The following TBX19 variants were observed in gnomAD, a reference collection of about 807,000 sequenced individuals.
TBX19 encodes the protein T-box transcription factor TBX19.
TBX19 carries 33 observed loss-of-function variants against 40.9 expected under a neutral mutation model. The ratio of observed to expected loss-of-function variants is 0.81; its 90% CI spans 0.61 to 1.08. The LOEUF (loss-of-function observed/expected upper bound fraction) is 1.08, where lower values mean the gene tolerates loss of function less well. Ranked by LOEUF, TBX19 falls within the 50% of genes least tolerant of loss-of-function variation. The probability of loss-of-function intolerance (pLI) is 0.00; values close to 1 mark genes in which losing one functional copy is unlikely to be tolerated. For synonymous variants in TBX19, 220 were observed against 225.0 expected (o/e 0.98, Z 0.20); for missense variants, 494 against 574.0 (o/e 0.86, Z 1.42).
chr1:168,281,425 C>T (rs1648646585), intron 1 of TBX19, 132 bp downstream of exon 1: 1 of 837,678 alleles, frequency 1.2e-6, no homozygotes. Flanking sequence ...ACAGGAACGA[C>T]TGTCTCCAAT....
rs1348326118 is a variant in TBX19 at position 168,300,418 on chromosome 1, T to C, written c.666-4T>C. The C allele has an allele frequency of 1.2e-6, 2 of 1,613,928 alleles. No homozygotes were observed. Among genetic ancestry groups the C allele is most frequent in the Non-Finnish European group, 1.7e-6 (2 of 1,179,994 alleles). ...GCCATGGTGCATTTTCTTTACTCTT[T>C]CAGAAATCACCTAAGAGACGTACCG... On this transcript the variant is annotated splice_polypyrimidine_tract_variant and splice_region_variant and intron_variant, in intron 4 of 7. Transcript: ENST00000367821.
At position 168,298,895 on chromosome 1, in the gene TBX19, CTT is replaced by C. The variant is rs1206920528; in HGVS notation, c.665+1112_665+1113del. Reference sequence around the variant, plus strand: ...TCTTTCTTTCTTTCTTTCTTTCTTTCTTTCTCTCTCTCTCTCTTTCTTTCATT... The same window carrying C: ...TCTTTCTTTCTTTCTTTCTTTCTTTCTCTCTCTCTCTCTCTTTCTTTCATT... On this transcript the variant is annotated intron_variant, in intron 4 of 7. Coordinates refer to ENST00000367821, the MANE Select transcript of TBX19 (RefSeq NM_005149.3). Among the ~76,000 whole-genome samples the C allele has an allele frequency of 1.5e-4, 17 of 113,350 alleles. 1 individual carries two copies. Among genetic ancestry groups the C allele is most frequent in the East Asian group, 2.9e-4 (1 of 3,462 alleles). The allele number at this position is 113,350 out of a possible 152,430, so 74.4% of individuals were successfully genotyped here. A position where few individuals can be genotyped will look rare whatever the true frequency, so the allele number is the denominator to read the frequency against.
At position 168,291,272 on chromosome 1, in the gene TBX19, G is replaced by A. The variant is rs748352916; in HGVS notation, c.316G>A (p.Gly106Arg). 4.3e-6 allele frequency: 7 copies of A among 1,614,198 alleles called. No individual in the cohort carries two copies. The South Asian group carries it at 5.5e-5, about 13-fold the overall frequency. Residue 106 changes from glycine to arginine, a missense_variant, in exon 2 of 8, where the codon GGG (glycine) becomes AGG (arginine). Physicochemically the swap from Gly to Arg is moderately radical, Grantham distance 125. Around this residue, in one of 3 missense-constraint regions of TBX19, gnomAD observed 201 missense variants for 235.2 expected, o/e 0.85. Transcript: ENST00000367821. Reference protein sequence around the residue: ...TDSHRWKYVNGEWVPAGKPEV... With the variant: ...TDSHRWKYVNREWVPAGKPEV... The stretch of plus-strand genomic sequence containing the variant: ...CAGTCACCGCTGGAAGTACGTCAAC[G>A]GGGAATGGGTGCCCGCTGGCAAGCC...
At chr1:168,302,252 T>C (rs1421949891) in intron 5 of TBX19, among the ~76,000 whole-genome samples, 1 of 152,200 alleles carries the variant, frequency 6.6e-6, no homozygotes, top group African/African-American at 2.4e-5. Flanking sequence ...GGGCCATAAG[T>C]TTGTGCAACT....
At chr1:168,291,687 G>A (rs558715573) in intron 2 of TBX19, among the ~76,000 whole-genome samples, 2 of 152,122 alleles carry the variant, frequency 1.3e-5, no homozygotes, top group Admixed American at 6.5e-5. Flanking sequence ...TCATAGTTTC[G>A]TCTTGTGTGC....
At chr1:168,312,665 G>C in intron 7 of TBX19, 43 bp from the exon 8 acceptor site, 1 of 1,601,126 alleles carries the variant, frequency 6.2e-7, no homozygotes. Context: ...CTTCCTTGGA[G>C]TGCCAGTGAA....
intron 5 of TBX19, among the ~76,000 whole-genome samples, chr1:168,303,943 G>A (rs1013207320): frequency 1.3e-5 from 2 of 152,130 alleles, no homozygotes; most frequent in African/African-American, 4.8e-5. Flanking sequence ...GTGGGTTTTG[G>A]CCGGCTTATT....
chr1:168,297,807 A>G (rs756970226), intron 4 of TBX19, 22 bp downstream of exon 4: 1 of 1,584,912 alleles, frequency 6.3e-7, no homozygotes, highest in South Asian at 1.1e-5. Context: ...AATTTTAGTG[A>G]AATCTTCTAA....
intron 1 of TBX19, among the ~76,000 whole-genome samples, chr1:168,284,190 A>G (rs1337764099): frequency 6.6e-6 from 1 of 151,924 alleles, no homozygotes; most frequent in Non-Finnish European, 1.5e-5. Context: ...TCTTTTTAAA[A>G]TTGAAAACTT....
intron 7 of TBX19, among the ~76,000 whole-genome samples, chr1:168,311,752 A>G (rs1190408689): frequency 6.6e-6 from 1 of 152,258 alleles, no homozygotes; most frequent in Non-Finnish European, 1.5e-5. Flanking sequence ...TGATGACTAC[A>G]GGCCGAAAAC....
rs1558192675 is a variant in TBX19, at chr1:168,298,776, CT to C, written c.665+993del. Among the ~76,000 whole-genome samples the C allele has an allele frequency of 3.7e-4, 39 of 105,594 alleles. 2 individuals are homozygous for C. In the South Asian group the frequency reaches 4.7e-3, roughly 13 times the overall value. 69.3% of individuals were successfully genotyped at this position (105,594 alleles called of 152,430 possible). A position where few individuals can be genotyped will look rare whatever the true frequency, so the allele number is the denominator to read the frequency against. Reference sequence around the variant, plus strand: ...CTTCCCTTCCATTCCCTTCCCTTCCCTTCCCTCCCTCCTCTCCTCTCCTCCC... The same window carrying C: ...CTTCCCTTCCATTCCCTTCCCTTCCCTCCCTCCCTCCTCTCCTCTCCTCCC... On this transcript the variant is annotated intron_variant, in intron 4 of 7. Coordinates refer to ENST00000367821, the MANE Select transcript of TBX19 (RefSeq NM_005149.3).
chr1:168,303,542 T>C lies in TBX19; in HGVS notation c.728-1466T>C, dbSNP rs138125243. ...GACCCCAACAAAGGGTTCTTGGACC[T>C]CATGCAAGAAAGAATTCAGGGCAAG... On this transcript the variant is annotated intron_variant, in intron 5 of 7. Coordinates refer to ENST00000367821, the MANE Select transcript of TBX19 (RefSeq NM_005149.3). Among the ~76,000 whole-genome samples, 270 of 152,292 alleles carry C rather than the reference T, an allele frequency of 1.8e-3. 1 individual carries two copies. The highest frequency in any genetic ancestry group is 6.1e-3 in the African/African-American group (252 of 41,552).
At chr1:168,281,372 C>A in intron 1 of TBX19, 79 bp downstream of exon 1, 1 of 1,326,156 alleles carries the variant, frequency 7.5e-7, no homozygotes, top group Non-Finnish European at 1.1e-6. Flanking sequence ...GAAGAGGCTG[C>A]CGCTCTTCAC....
intron 3 of TBX19, among the ~76,000 whole-genome samples, chr1:168,297,137 A>G (rs1437507892): frequency 2.0e-5 from 3 of 152,218 alleles, no homozygotes; most frequent in African/African-American, 7.2e-5. Context: ...CTAATGAGAA[A>G]TGAAGCAGGC....
chr1:168,306,641 A>AG (rs1043966412), intron 6 of TBX19, among the ~76,000 whole-genome samples: 26 of 151,672 alleles, frequency 1.7e-4, no homozygotes, highest in Non-Finnish European at 8.8e-5. Flanking sequence ...AAAAAAAAAA[A>AG]AAAAAAAGAT....
intron 5 of TBX19, 113 bp downstream of exon 5, chr1:168,300,596 C>T: frequency 1.0e-6 from 1 of 973,980 alleles, no homozygotes; most frequent in Non-Finnish European, 1.6e-6. Flanking sequence ...CAAATCAAAA[C>T]CCAACACACA....
At chr1:168,298,979 T>C (rs1649201274) in intron 4 of TBX19, among the ~76,000 whole-genome samples, 1 of 148,330 alleles carries the variant, frequency 6.7e-6, no homozygotes, top group Non-Finnish European at 1.5e-5. Flanking sequence ...AGTGGCACTA[T>C]CTTGGCTCAC....
At chr1:168,304,944 C>A (rs147965071) in intron 5 of TBX19, 64 bp from the exon 6 acceptor site, 7 of 1,512,996 alleles carry the variant, frequency 4.6e-6, no homozygotes, top group South Asian at 1.1e-5. Flanking sequence ...AGTAGCTGGT[C>A]ACCTGATTTT....
intron 2 of TBX19, among the ~76,000 whole-genome samples, chr1:168,292,184 C>T (rs766475540): frequency 1.3e-5 from 2 of 152,192 alleles, no homozygotes; most frequent in Admixed American, 1.3e-4. Flanking sequence ...CTTCTCTGAT[C>T]TCTGTGCTCA....
Sources: allele counts gnomAD v4.1 joint callset (sites outside exome capture counted in the v4.1 genomes callset), GRCh38; gene constraint gnomAD v4.1.1; regional missense constraint gnomAD v4.1.1; transcripts MANE v1.5; gene names NCBI Gene and HGNC (gene_info 2026-07-23, HGNC 2026-07-21).